The following PSMB2 variants were observed in gnomAD, a reference collection of about 807,000 sequenced individuals.
PSMB2 encodes proteasome 20S subunit beta 2, also known as proteasome subunit beta type-2.
Under a neutral mutation model 25.7 loss-of-function variants are expected in PSMB2, and 13 were observed. That is an observed-to-expected ratio of 0.51 (90% CI 0.33 to 0.80). The LOEUF (loss-of-function observed/expected upper bound fraction) is 0.80. PSMB2 is among the 30% of genes least tolerant of loss of function. The probability of loss-of-function intolerance (pLI) is 0.02; values close to 1 mark genes in which losing one functional copy is unlikely to be tolerated. For synonymous variants in PSMB2, 87 were observed against 96.2 expected (o/e 0.90, Z 0.56); for missense variants, 202 against 259.0 (o/e 0.78, Z 1.51).
At chr1:35,610,623 G>A (rs1190198718) in intron 3 of PSMB2, among the ~76,000 whole-genome samples, 1 of 152,066 alleles carries the variant, frequency 6.6e-6, no homozygotes, top group African/African-American at 2.4e-5. Flanking sequence ...AGCCTCCCAA[G>A]TAGCTGGGAT....
At chr1:35,622,479 T>G (rs1264552443) in intron 3 of PSMB2, among the ~76,000 whole-genome samples, 1 of 152,186 alleles carries the variant, frequency 6.6e-6, no homozygotes, top group Non-Finnish European at 1.5e-5. Context: ...ATCACAAAAT[T>G]TTTAAGACAC....
intron 2 of PSMB2, among the ~76,000 whole-genome samples, chr1:35,635,119 C>A (rs1009125095): frequency 6.6e-6 from 1 of 151,918 alleles, no homozygotes; most frequent in African/African-American, 2.4e-5. Flanking sequence ...ATTAGCCAGG[C>A]GTGGTGGCAC....
In PSMB2 at chr1:35,600,665, G is replaced by A. The variant is rs1315974595; in HGVS notation, c.*2602C>T. ...TACTGAGTTCGATGTCCCTAAATCT[G>A]GAGGGTGAGCTATCTAGGAATGAGT... On this transcript the variant is annotated 3_prime_UTR_variant, in exon 6 of 6. Coordinates refer to ENST00000373237, the MANE Select transcript of PSMB2 (RefSeq NM_002794.5). The A allele has an allele frequency of 5.1e-6, 5 of 985,236 alleles. No homozygotes were observed. The highest frequency in any genetic ancestry group is 9.4e-5 in the South Asian group (2 of 21,288). The allele number at this position is 985,236 out of a possible 1,614,324, so 61.0% of individuals were successfully genotyped here.
At chr1:35,620,779 C>T (rs1650658819) in intron 3 of PSMB2, among the ~76,000 whole-genome samples, 1 of 151,604 alleles carries the variant, frequency 6.6e-6, no homozygotes, top group South Asian at 2.1e-4. Context: ...ATTCTCCTGC[C>T]TTGGCCTCCC....
At chr1:35,635,729 T>C (rs550396445) in intron 2 of PSMB2, among the ~76,000 whole-genome samples, 3 of 145,900 alleles carry the variant, frequency 2.1e-5, no homozygotes, top group African/African-American at 7.7e-5. Flanking sequence ...CTCAGGAGGC[T>C]GAGACAGGAG....
At chr1:35,624,015 G>A (rs1650774325) in intron 3 of PSMB2, among the ~76,000 whole-genome samples, 1 of 152,110 alleles carries the variant, frequency 6.6e-6, no homozygotes, top group African/African-American at 2.4e-5. Context: ...AAAGCAACAG[G>A]TTTCTTCTAG....
At chr1:35,620,122 A>C (rs1650636859) in intron 3 of PSMB2, among the ~76,000 whole-genome samples, 1 of 152,356 alleles carries the variant, frequency 6.6e-6, no homozygotes, top group Middle Eastern at 3.4e-3. Context: ...ATGAATATCT[A>C]ATCTATGAAT....
intron 3 of PSMB2, among the ~76,000 whole-genome samples, chr1:35,627,734 A>G (rs748073373): frequency 3.3e-5 from 5 of 152,244 alleles, no homozygotes; most frequent in Non-Finnish European, 7.3e-5. Context: ...AATTAAGCTT[A>G]GAATTTGTCC....
chr1:35,605,203 T>G, intron 5 of PSMB2, 30 bp downstream of exon 5: 1 of 1,583,162 alleles, frequency 6.3e-7, no homozygotes, highest in South Asian at 1.1e-5. Context: ...AGACAAACAT[T>G]CCTTTCAGGA....
In PSMB2 at chr1:35,641,404, G is replaced by A. The variant is rs1318910833; in HGVS notation, c.29C>T (p.Pro10Leu). 1.9e-6 allele frequency: 3 copies of A among 1,614,104 alleles called. No individual in the cohort carries two copies. Among genetic ancestry groups the A allele is most frequent in the South Asian group, 2.2e-5 (2 of 91,084 alleles). The part of the protein sequence containing the change: MEYLIGIQG[P>L]DYVLVASDRV... ...GTCGGAGGCGACAAGAACATAGTCG[G>A]GGCCTTGGATACCGATGAGGTACTC... Residue 10 changes from proline to leucine, a missense_variant, in exon 1 of 6, where the codon CCC becomes CTC. By Grantham distance (98) the Pro-to-Leu change is moderately conservative (BLOSUM62 -3). Transcript: ENST00000373237.
chr1:35,624,421 A>C (rs996057305), intron 3 of PSMB2, among the ~76,000 whole-genome samples: 5 of 152,212 alleles, frequency 3.3e-5, no homozygotes, highest in African/African-American at 1.2e-4. Context: ...TATCAAATAG[A>C]TAAAAGCTGA....
Position 35,601,931 on chromosome 1 carries a change from T to G in PSMB2, c.*1336A>C, listed in dbSNP as rs1319345950. 2.0e-6 allele frequency: 2 copies of G among 982,608 alleles called. No individual in the cohort carries two copies. The highest frequency in any genetic ancestry group is 2.4e-6 in the Non-Finnish European group (2 of 827,434). 60.9% of individuals were successfully genotyped at this position (982,608 alleles called of 1,614,324 possible). A position where few individuals can be genotyped will look rare whatever the true frequency, so the allele number is the denominator to read the frequency against. ...GGTTAACTGCCCATGATACATCAAT[T>G]TAATGGAAAATTATGCAACTGTCAA... On this transcript the variant is annotated 3_prime_UTR_variant, in exon 6 of 6. Transcript: ENST00000373237.
At chr1:35,627,915 C>T (rs775538069) in intron 3 of PSMB2, among the ~76,000 whole-genome samples, 6 of 152,228 alleles carry the variant, frequency 3.9e-5, no homozygotes, top group Non-Finnish European at 8.8e-5. Context: ...CAAACCACCA[C>T]ACATACACAG....
chr1:35,620,113 T>A (rs1261209677), intron 3 of PSMB2, among the ~76,000 whole-genome samples: 1 of 152,228 alleles, frequency 6.6e-6, no homozygotes, highest in Non-Finnish European at 1.5e-5. Flanking sequence ...AGCATGCCCA[T>A]GAATATCTAA....
intron 3 of PSMB2, among the ~76,000 whole-genome samples, chr1:35,626,218 T>C (rs1650856746): frequency 1.3e-5 from 2 of 152,224 alleles, no homozygotes; most frequent in Non-Finnish European, 2.9e-5. Flanking sequence ...CCATCTTAAA[T>C]GTATACAAGC....
intron 4 of PSMB2, 130 bp from the exon 5 acceptor site, chr1:35,605,412 G>GCTTT: frequency 1.1e-6 from 1 of 916,714 alleles, no homozygotes; most frequent in South Asian, 1.4e-5. Context: ...GGCAAAAAAT[G>GCTTT]CTTTGCCTTC....
Position 35,628,578 on chromosome 1 carries a change from GAAAAAAA to G in PSMB2, c.285+2689_285+2695del, listed in dbSNP as rs67766222. Among the ~76,000 whole-genome samples, 162 of 32,940 alleles carry G rather than the reference GAAAAAAA, an allele frequency of 4.9e-3. 4 individuals carry two copies. Among genetic ancestry groups the G allele is most frequent in the African/African-American group, 0.014 (137 of 9,466 alleles). The allele number at this position is 32,940 out of a possible 152,430, so 21.6% of individuals were successfully genotyped here. A position where few individuals can be genotyped will look rare whatever the true frequency, so the allele number is the denominator to read the frequency against. On this transcript the variant is annotated intron_variant, in intron 3 of 5. Coordinates refer to ENST00000373237, the MANE Select transcript of PSMB2 (RefSeq NM_002794.5). ...CTTGGTGACAATGACTTTCTTGGAA[GAAAAAAA>G]AAAAAAAAAAAATATATATATATAT... is the stretch of plus-strand genomic sequence containing the variant.
chr1:35,623,579 T>C (rs1372902381), intron 3 of PSMB2, among the ~76,000 whole-genome samples: 2 of 152,240 alleles, frequency 1.3e-5, no homozygotes, highest in African/African-American at 2.4e-5. Flanking sequence ...GGCACTGCCA[T>C]CTGCAGCAGC....
At chr1:35,618,569 T>C in intron 3 of PSMB2, among the ~76,000 whole-genome samples, 1 of 152,190 alleles carries the variant, frequency 6.6e-6, no homozygotes, top group South Asian at 2.1e-4. Flanking sequence ...AAAACTTCCC[T>C]GATAAACGCT....
Sources: gnomAD v4.1 joint callset for allele counts (sites outside exome capture counted in the v4.1 genomes callset) on GRCh38, gnomAD v4.1.1 for gene constraint, MANE v1.5 for transcripts, NCBI Gene and HGNC (gene_info 2026-07-23, HGNC 2026-07-21) for gene names.